Variants in NDUFA5 observed in about 807,000 individuals in gnomAD.
The protein encoded by NDUFA5 is NADH:ubiquinone oxidoreductase subunit A5, also known as NADH dehydrogenase [ubiquinone] 1 alpha subcomplex subunit 5.
A neutral mutation model predicts 19.8 loss-of-function variants in NDUFA5; 11 were observed. The ratio of observed to expected loss-of-function variants is 0.56; its 90% CI spans 0.35 to 0.92. The LOEUF is 0.92. Among genes scored for constraint, NDUFA5 ranks in the 40% least tolerant of loss-of-function variants. The pLI, the probability that NDUFA5 is intolerant of heterozygous loss-of-function variation, is 0.01. For synonymous variants in NDUFA5, 47 were observed against 46.8 expected, an observed-to-expected ratio of 1.00 and a Z score of -0.01; for missense variants, 109 against 134.2, an observed-to-expected ratio of 0.81 and a Z score of 0.93.
the NDUFA5 span, among the ~76,000 whole-genome samples, chr7:123,595,421 C>A: frequency 6.6e-6 from 1 of 152,146 alleles, no homozygotes; most frequent in South Asian, 2.1e-4. Context: ...CTTTCTGTGT[C>A]GGGTTATTCT....
chr7:123,543,783 G>A (rs1258731137), intron 4 of NDUFA5, among the ~76,000 whole-genome samples: 1 of 151,914 alleles, frequency 6.6e-6, no homozygotes, highest in East Asian at 1.9e-4. Context: ...ATAGGTATAG[G>A]GCAACAGTAT....
At chr7:123,582,104 A>C in the NDUFA5 span, among the ~76,000 whole-genome samples, 1 of 151,982 alleles carries the variant, frequency 6.6e-6, no homozygotes, top group South Asian at 2.1e-4. Flanking sequence ...GAAAGGGAGG[A>C]GAAATTGCTC....
chr7:123,594,048 C>A, the NDUFA5 span, among the ~76,000 whole-genome samples: 1 of 151,970 alleles, frequency 6.6e-6, no homozygotes, highest in Non-Finnish European at 1.5e-5. Flanking sequence ...ATCACGATAT[C>A]CCTTCTTCTG....
the NDUFA5 span, among the ~76,000 whole-genome samples, chr7:123,571,742 T>G: frequency 1.3e-5 from 2 of 152,204 alleles, no homozygotes; most frequent in Non-Finnish European, 2.9e-5. Flanking sequence ...AAACAAAATT[T>G]TTAAGAAGAA....
At chr7:123,569,406 A>G in the NDUFA5 span, among the ~76,000 whole-genome samples, 1 of 152,242 alleles carries the variant, frequency 6.6e-6, no homozygotes, top group Non-Finnish European at 1.5e-5. Flanking sequence ...AGGGCCCAAA[A>G]AAAAGGCCAA....
At chr7:123,546,661 T>G in intron 3 of NDUFA5, 1 of 1,283,432 alleles carries the variant, frequency 7.8e-7, no homozygotes, top group South Asian at 1.3e-5. Context: ...ATAATACATT[T>G]TGCTTTTCAA....
the NDUFA5 span, among the ~76,000 whole-genome samples, chr7:123,579,787 C>T: frequency 6.6e-6 from 1 of 151,980 alleles, no homozygotes; most frequent in Non-Finnish European, 1.5e-5. Flanking sequence ...AGACTCCCAG[C>T]TTGTCATTAT....
At chr7:123,593,878 T>C in the NDUFA5 span, among the ~76,000 whole-genome samples, 1 of 152,316 alleles carries the variant, frequency 6.6e-6, no homozygotes, top group East Asian at 1.9e-4. Flanking sequence ...GAGTGTTTTC[T>C]AACTTGGTTC....
chr7:123,544,994 A>G (rs1798079024), intron 4 of NDUFA5, among the ~76,000 whole-genome samples: 1 of 151,838 alleles, frequency 6.6e-6, no homozygotes, highest in Admixed American at 6.6e-5. Context: ...GTGAGAGGAG[A>G]AGAAAATTTC....
At chr7:123,564,271 TACTTG>T in the NDUFA5 span, among the ~76,000 whole-genome samples, 1 of 152,238 alleles carries the variant, frequency 6.6e-6, no homozygotes, top group Non-Finnish European at 1.5e-5. Flanking sequence ...TGGCACCACC[TACTTG>T]ACTTCTATTA....
chr7:123,548,161 G>A (rs1399984449), intron 3 of NDUFA5, among the ~76,000 whole-genome samples: 2 of 152,084 alleles, frequency 1.3e-5, no homozygotes, highest in East Asian at 3.9e-4. Flanking sequence ...TATAATAATG[G>A]CAATATTCAC....
chr7:123,566,367 T>C, the NDUFA5 span, among the ~76,000 whole-genome samples: 2 of 152,164 alleles, frequency 1.3e-5, no homozygotes, highest in Non-Finnish European at 2.9e-5. Flanking sequence ...TGTGAGATAA[T>C]AAATTTCTGT....
chr7:123,591,516 T>C, the NDUFA5 span, among the ~76,000 whole-genome samples: 2 of 152,220 alleles, frequency 1.3e-5, no homozygotes, highest in African/African-American at 2.4e-5. Flanking sequence ...GAAAGGCTGT[T>C]GAAGTTTGTC....
chr7:123,566,887 C>T, the NDUFA5 span: 8 of 152,128 alleles, frequency 5.3e-5, no homozygotes, highest in Non-Finnish European at 1.0e-4. Flanking sequence ...TGAATAGAAG[C>T]TTATGAGGTC....
intron 2 of NDUFA5, 91 bp from the exon 3 acceptor site, chr7:123,550,677 T>C: frequency 6.1e-6 from 4 of 653,490 alleles, no homozygotes; most frequent in Non-Finnish European, 7.7e-6. Flanking sequence ...CAAACAAAAC[T>C]CACATCTGTT....
the NDUFA5 span, among the ~76,000 whole-genome samples, chr7:123,574,971 G>A: frequency 4.6e-5 from 7 of 151,622 alleles, no homozygotes; most frequent in South Asian, 1.0e-3. Flanking sequence ...GGAGACAGAT[G>A]TAAGACTCCA....
the NDUFA5 span, among the ~76,000 whole-genome samples, chr7:123,564,651 C>T: frequency 6.6e-6 from 1 of 151,898 alleles, no homozygotes; most frequent in Non-Finnish European, 1.5e-5. Flanking sequence ...CATACACACA[C>T]ATATACAGAT....
the NDUFA5 span, among the ~76,000 whole-genome samples, chr7:123,564,957 A>G: frequency 6.6e-6 from 1 of 151,410 alleles, no homozygotes; most frequent in Non-Finnish European, 1.5e-5. Flanking sequence ...ACATATAAAC[A>G]TACACACACA....
At chr7:123,564,488 C>T in the NDUFA5 span, among the ~76,000 whole-genome samples, 1 of 152,022 alleles carries the variant, frequency 6.6e-6, no homozygotes, top group Non-Finnish European at 1.5e-5. Flanking sequence ...GAAAGAGAAC[C>T]AGTGGGATAT....
Sources: allele counts gnomAD v4.1 joint callset (sites outside exome capture counted in the v4.1 genomes callset), GRCh38; gene constraint gnomAD v4.1.1; transcripts MANE v1.5; gene names NCBI Gene and HGNC (gene_info 2026-07-23, HGNC 2026-07-21).